The following EML6 variants were observed in gnomAD, a reference collection of about 807,000 sequenced individuals.
EML6 encodes the protein EMAP like 6, also known as echinoderm microtubule-associated protein-like 6.
In EML6, 154 loss-of-function variants were observed where a neutral mutation model predicts 240.1. The ratio of observed to expected loss-of-function variants is 0.64; its 90% CI spans 0.56 to 0.73. The LOEUF (loss-of-function observed/expected upper bound fraction) is 0.73, where lower values mean the gene tolerates loss of function less well. Among genes scored for constraint, EML6 ranks in the 30% least tolerant of loss-of-function variants. The pLI is 0.00. For missense variants in EML6, 2,964 were observed against 2,474.6 expected (o/e 1.20, Z -4.20); for synonymous variants, 1,148 against 899.0 (o/e 1.28, Z -4.95).
chr2:54,931,160 T>C (rs1022792241), intron 28 of EML6, among the ~76,000 whole-genome samples: 2 of 151,862 alleles, frequency 1.3e-5, no homozygotes, highest in African/African-American at 4.8e-5. Context: ...GGTTTCACCG[T>C]GTTAGCCAGG....
At chr2:54,745,894 T>C (rs1479335826) in intron 2 of EML6, among the ~76,000 whole-genome samples, 3 of 152,020 alleles carry the variant, frequency 2.0e-5, no homozygotes, top group Non-Finnish European at 2.9e-5. Context: ...CCAGGAAGAA[T>C]TGGAGAGGTT....
rs1673252244 is a variant in EML6 at position 54,905,115 on chromosome 2, T to C, written c.3409+1613T>C. On this transcript the variant is annotated intron_variant, in intron 24 of 41. Coordinates refer to ENST00000356458, the MANE Select transcript of EML6 (RefSeq NM_001039753.4). Reference sequence around the variant, plus strand: ...TCAGGGCAGTGCTGGCCAGACAAAGTGCCGAGGGCTTTGACCGGCATTTAT... The same window carrying C: ...TCAGGGCAGTGCTGGCCAGACAAAGCGCCGAGGGCTTTGACCGGCATTTAT... Among the ~76,000 whole-genome samples, 9 of 152,252 alleles carry C rather than the reference T, an allele frequency of 5.9e-5. No individual in the cohort carries two copies. The South Asian group carries it at 1.9e-3, about 32-fold the overall frequency.
In EML6 at chr2:54,724,578, T is replaced by A. The variant is rs1175316366; in HGVS notation, c.-484T>A. 1.3e-5 allele frequency: 2 copies of A among 152,202 alleles called. No individual in the cohort carries two copies. Among genetic ancestry groups the A allele is most frequent in the Non-Finnish European group, 2.9e-5 (2 of 68,034 alleles). The allele number at this position is 152,202 out of a possible 1,614,324, so 9.4% of individuals were successfully genotyped here. A position where few individuals can be genotyped will look rare whatever the true frequency, so the allele number is the denominator to read the frequency against. On this transcript the variant is annotated 5_prime_UTR_variant, in exon 2 of 42. An upstream start codon of the reference 5' UTR is lost. Coordinates refer to ENST00000356458, the MANE Select transcript of EML6 (RefSeq NM_001039753.4). This position sits in a 1 kb window ranked among gnomAD's most constrained non-coding sequence, Gnocchi z 5.2. ...TCAATTTCGGATCCAAAGACGGCGA[T>A]GGCAGAGCTCACCCGGGTTGCCTGT...
chr2:54,936,446 A>G (rs1675139236), intron 28 of EML6, among the ~76,000 whole-genome samples: 1 of 152,196 alleles, frequency 6.6e-6, no homozygotes, highest in Non-Finnish European at 1.5e-5. Context: ...GTTGGTCATA[A>G]TGGATATTTT....
intron 24 of EML6, among the ~76,000 whole-genome samples, chr2:54,909,721 G>A (rs1015951927): frequency 1.3e-5 from 2 of 152,050 alleles, no homozygotes; most frequent in African/African-American, 2.4e-5. Context: ...GTGGGTGCCT[G>A]TAATCCCAGC....
chr2:54,862,920 G>A (rs1230958213), intron 12 of EML6, among the ~76,000 whole-genome samples: 2 of 152,224 alleles, frequency 1.3e-5, no homozygotes, highest in African/African-American at 2.4e-5. Flanking sequence ...GTAACAGGCA[G>A]TGGGTCTGTT....
intron 17 of EML6, among the ~76,000 whole-genome samples, chr2:54,886,160 C>CTTTTTT (rs869107962): frequency 1.1e-3 from 92 of 82,204 alleles, no homozygotes; most frequent in South Asian, 1.4e-3. Context: ...TTTTAACCTT[C>CTTTTTT]TTTTTTTTTT....
chr2:54,943,775 T>C (rs773660628), intron 28 of EML6, among the ~76,000 whole-genome samples: 55 of 152,222 alleles, frequency 3.6e-4, no homozygotes, highest in Non-Finnish European at 6.6e-4. Flanking sequence ...TTTAACTCGA[T>C]ATATTAAAAA....
chr2:54,785,162 C>T (rs1669022465), intron 2 of EML6, among the ~76,000 whole-genome samples: 1 of 143,218 alleles, frequency 7.0e-6, no homozygotes, highest in Admixed American at 7.5e-5. Context: ...CACCCCCCCA[C>T]ACACACACTT....
At chr2:54,793,503 G>A (rs1284597834) in intron 2 of EML6, among the ~76,000 whole-genome samples, 1 of 150,718 alleles carries the variant, frequency 6.6e-6, no homozygotes, top group Non-Finnish European at 1.5e-5. Flanking sequence ...GCAATTCAAG[G>A]AAGGCAAATG....
intron 7 of EML6, among the ~76,000 whole-genome samples, chr2:54,832,842 A>G (rs1668950121): frequency 6.6e-6 from 1 of 152,040 alleles, no homozygotes; most frequent in Admixed American, 6.5e-5. Context: ...AAAGGAACAG[A>G]TTCAGGCAGA....
chr2:54,942,693 A>G (rs1490701727), intron 28 of EML6, among the ~76,000 whole-genome samples: 1 of 151,968 alleles, frequency 6.6e-6, no homozygotes, highest in Non-Finnish European at 1.5e-5. Context: ...TCTCTGAGCA[A>G]TTCAGCTCAT....
intron 8 of EML6, among the ~76,000 whole-genome samples, chr2:54,846,015 G>A (rs534422750): frequency 6.6e-6 from 1 of 152,286 alleles, no homozygotes; most frequent in South Asian, 2.1e-4. Context: ...GTTTCATTCA[G>A]GCTCACTCAG....
chr2:54,888,069 T>C (rs1431653237), intron 17 of EML6, among the ~76,000 whole-genome samples: 1 of 152,236 alleles, frequency 6.6e-6, no homozygotes, highest in South Asian at 2.1e-4. Context: ...GCCAATACTA[T>C]GCCACCAGCT....
At chr2:54,758,607 T>C (rs934821069) in intron 2 of EML6, among the ~76,000 whole-genome samples, 1 of 152,204 alleles carries the variant, frequency 6.6e-6, no homozygotes, top group Non-Finnish European at 1.5e-5. Flanking sequence ...CTTATTACCC[T>C]GTAGTATATC....
chr2:54,903,543 TA>T, intron 24 of EML6, 41 bp downstream of exon 24: 1 of 1,486,578 alleles, frequency 6.7e-7, no homozygotes, highest in Non-Finnish European at 9.0e-7. Flanking sequence ...TTTCTGTGTT[TA>T]AAAAATGTCC....
chr2:54,903,647 C>G (rs544907898), intron 24 of EML6, 145 bp downstream of exon 24: 1 of 713,218 alleles, frequency 1.4e-6, no homozygotes, highest in Non-Finnish European at 2.2e-6. Flanking sequence ...AATTTTACAA[C>G]CCAGAGGCAG....
intron 11 of EML6, among the ~76,000 whole-genome samples, chr2:54,854,318 A>G (rs1670255222): frequency 6.6e-6 from 1 of 152,206 alleles, no homozygotes; most frequent in Non-Finnish European, 1.5e-5. Flanking sequence ...GTAATTTTGC[A>G]AACTAGATTT....
chr2:54,778,428 G>C (rs145286264), intron 2 of EML6, among the ~76,000 whole-genome samples: 60 of 152,160 alleles, frequency 3.9e-4, no homozygotes, highest in African/African-American at 1.4e-3. Context: ...TCCCAAACTG[G>C]GGCTGAACTA....
Sources: gnomAD v4.1 joint callset for allele counts (sites outside exome capture counted in the v4.1 genomes callset) on GRCh38, gnomAD v4.1.1 for gene constraint, Gnocchi (gnomAD v3.1) non-coding constraint, MANE v1.5 for transcripts, NCBI Gene and HGNC (gene_info 2026-07-23, HGNC 2026-07-21) for gene names.